The following PARP8 variants were observed in gnomAD, a reference collection of about 807,000 sequenced individuals.
The protein encoded by PARP8 is poly(ADP-ribose) polymerase family member 8.
Under a neutral mutation model 124.1 loss-of-function variants are expected in PARP8, and 51 were observed. That is an observed-to-expected ratio of 0.41 (90% CI 0.33 to 0.52). The LOEUF (loss-of-function observed/expected upper bound fraction) is 0.52. PARP8 is among the 20% of genes least tolerant of loss of function. The pLI, the probability that PARP8 is intolerant of heterozygous loss-of-function variation, is 0.21. For missense variants in PARP8, 860 were observed against 1,018.9 expected (o/e 0.84, Z 2.12); for synonymous variants, 391 against 361.5 (o/e 1.08, Z -0.93).
At chr5:50,784,063 G>A (rs561043471) in intron 9 of PARP8, among the ~76,000 whole-genome samples, 11 of 152,286 alleles carry the variant, frequency 7.2e-5, no homozygotes, top group African/African-American at 2.4e-4. Flanking sequence ...TTTAAAAAGA[G>A]TGTTTGCAAT....
rs1404895801 is a variant in PARP8 at position 50,667,022 on chromosome 5, C to T, written c.-74C>T. The T allele has an allele frequency of 2.6e-6, 4 of 1,544,576 alleles. No homozygotes were observed. In the Admixed American group the frequency reaches 5.2e-5, roughly 20 times the overall value. On this transcript the variant is annotated 5_prime_UTR_variant, in exon 1 of 26. The change creates a new upstream start codon in the 5' untranslated region. Transcript: ENST00000281631. Reference sequence around the variant, plus strand: ...GGTTTCATTTTTAACTGAATATTTACGAAAGCTGGAAGCGTGCGAGGGGGG... The same window carrying T: ...GGTTTCATTTTTAACTGAATATTTATGAAAGCTGGAAGCGTGCGAGGGGGG...
intron 7 of PARP8, among the ~76,000 whole-genome samples, chr5:50,765,569 T>C (rs903863336): frequency 6.6e-6 from 1 of 152,216 alleles, no homozygotes; most frequent in Non-Finnish European, 1.5e-5. Context: ...TGTTTTGAAT[T>C]TTTTCCCCTT....
At chr5:50,766,177 A>G (rs1383991877) in intron 7 of PARP8, among the ~76,000 whole-genome samples, 1 of 152,188 alleles carries the variant, frequency 6.6e-6, no homozygotes, top group East Asian at 1.9e-4. Context: ...GGTAATGACA[A>G]TTCTACCTCA....
In PARP8 at chr5:50,829,925, C is replaced by T. The variant is rs1281381538; in HGVS notation, c.2197C>T (p.Leu733Phe). ...TGCAATGTATGGAAGTGGAATCTAT[C>T]TTAGTCCAATGTCAAGCATATCATT... ...HGAMYGSGIY[L>F]SPMSSISFGY... Residue 733 changes from leucine (L) to phenylalanine (F), a missense_variant, in exon 22 of 26, where the codon CTT becomes TTT. By Grantham distance (22) the Leu-to-Phe change is conservative. Around this residue, in one of 2 missense-constraint regions of PARP8, gnomAD observed 343 missense variants for 474.7 expected, o/e 0.72. Coordinates refer to ENST00000281631, the MANE Select transcript of PARP8 (RefSeq NM_024615.4). The T allele has an allele frequency of 6.2e-7, 1 of 1,610,150 alleles. No individual in the cohort carries two copies. The highest frequency in any genetic ancestry group is 8.5e-7 in the Non-Finnish European group (1 of 1,177,914).
At chr5:50,798,830 T>A (rs1308535409) in intron 14 of PARP8, among the ~76,000 whole-genome samples, 2 of 152,244 alleles carry the variant, frequency 1.3e-5, no homozygotes, top group African/African-American at 4.8e-5. Flanking sequence ...CTAAAAAATT[T>A]TGAGCATCTT....
At position 50,788,592 on chromosome 5, in the gene PARP8, A is replaced by G. The variant is rs767576502; in HGVS notation, c.737+3A>G. 2 of 1,608,270 alleles carry G rather than the reference A, an allele frequency of 1.2e-6. No individual in the cohort carries two copies. The highest frequency in any genetic ancestry group is 1.3e-5 in the African/African-American group (1 of 74,772). ...GGATTGGGACATCAGCTGAAAAAGT[A>G]AGTTTGCTAAAGTGCAAAAAATAAA... On this transcript the variant is annotated splice_donor_region_variant and intron_variant, in intron 10 of 25. Coordinates refer to ENST00000281631, the MANE Select transcript of PARP8 (RefSeq NM_024615.4).
rs779320052 is a variant in PARP8 at position 50,761,914 on chromosome 5, C to T, written c.423+16C>T. 7.3e-6 allele frequency: 11 copies of T among 1,512,180 alleles called. No homozygotes were observed. Among genetic ancestry groups the T allele is most frequent in the Non-Finnish European group, 1.0e-5 (11 of 1,095,278 alleles). The allele number at this position is 1,512,180 out of a possible 1,614,324, so 93.7% of individuals were successfully genotyped here. On this transcript the variant is annotated intron_variant, in intron 6 of 25. Transcript: ENST00000281631. ...CGGAGGGCAGGTAAGGAAACCTGGT[C>T]TTCCAAATACCTAGTCTTAAAGTTC...
At chr5:50,835,495 G>A (rs2149724524) in intron 25 of PARP8, among the ~76,000 whole-genome samples, 1 of 152,056 alleles carries the variant, frequency 6.6e-6, no homozygotes, top group South Asian at 2.1e-4. Flanking sequence ...AGCCAAGATA[G>A]CACCACTTAC....
intron 9 of PARP8, among the ~76,000 whole-genome samples, chr5:50,782,566 TAA>T (rs1194433751): frequency 1.3e-5 from 2 of 152,122 alleles, no homozygotes; most frequent in East Asian, 3.9e-4. Context: ...TGCTAGCAAA[TAA>T]AAAAGAAAAT....
At chr5:50,678,039 A>G (rs1750839012) in intron 2 of PARP8, among the ~76,000 whole-genome samples, 1 of 152,178 alleles carries the variant, frequency 6.6e-6, no homozygotes, top group African/African-American at 2.4e-5. Context: ...TAAAATTGAT[A>G]ACTTATGGTT....
intron 25 of PARP8, among the ~76,000 whole-genome samples, chr5:50,839,222 C>A (rs1747906836): frequency 6.6e-6 from 1 of 151,822 alleles, no homozygotes; most frequent in Admixed American, 6.6e-5. Context: ...TTTTAGTAAT[C>A]TTTTTACACT....
rs371929519 is a variant in PARP8, at chr5:50,768,877, G to A, written c.518+5635G>A. 3.9e-5 allele frequency among the ~76,000 whole-genome samples: 6 copies of A among 152,042 alleles called. No individual in the cohort carries two copies. The South Asian group carries it at 6.2e-4, about 16-fold the overall frequency. On this transcript the variant is annotated intron_variant, in intron 7 of 25. Coordinates refer to ENST00000281631, the MANE Select transcript of PARP8 (RefSeq NM_024615.4). The stretch of plus-strand genomic sequence containing the variant: ...CATTATATAAAAAGGGCATCACAAC[G>A]GAAATGGGTTTGCATATACACAGCG...
intron 12 of PARP8, among the ~76,000 whole-genome samples, chr5:50,795,989 A>T (rs555936585): frequency 6.6e-6 from 1 of 152,198 alleles, no homozygotes. Context: ...TTTGGGGGAC[A>T]TGGGACCAGA....
chr5:50,791,440 G>T (rs1159411352), intron 10 of PARP8, among the ~76,000 whole-genome samples: 1 of 152,066 alleles, frequency 6.6e-6, no homozygotes, highest in Non-Finnish European at 1.5e-5. Flanking sequence ...TACTTACAAC[G>T]CATAAACTAA....
At chr5:50,697,574 A>G (rs1307168039) in intron 2 of PARP8, among the ~76,000 whole-genome samples, 1 of 152,240 alleles carries the variant, frequency 6.6e-6, no homozygotes, top group Non-Finnish European at 1.5e-5. Flanking sequence ...CAGTGGCACG[A>G]TCATGGCTCA....
chr5:50,765,167 C>T (rs758905860), intron 7 of PARP8, among the ~76,000 whole-genome samples: 4 of 151,586 alleles, frequency 2.6e-5, no homozygotes, highest in Non-Finnish European at 5.9e-5. Flanking sequence ...AAGGCTGAGG[C>T]AGAAGAATCG....
intron 14 of PARP8, among the ~76,000 whole-genome samples, chr5:50,812,000 T>C (rs1253343070): frequency 1.3e-5 from 2 of 152,212 alleles, no homozygotes; most frequent in Non-Finnish European, 2.9e-5. Context: ...GATGGACATT[T>C]GGGTTGGTTC....
intron 2 of PARP8, among the ~76,000 whole-genome samples, chr5:50,672,793 T>G (rs1219294920): frequency 6.6e-6 from 1 of 152,146 alleles, no homozygotes; most frequent in Non-Finnish European, 1.5e-5. Context: ...TCTACTTGAT[T>G]GCTAAAGGGC....
intron 2 of PARP8, among the ~76,000 whole-genome samples, chr5:50,696,981 A>T (rs1384166227): frequency 1.3e-5 from 2 of 152,148 alleles, no homozygotes; most frequent in African/African-American, 4.8e-5. Flanking sequence ...AAGAAGAATG[A>T]GTCTGTGCCG....
Sources: allele counts gnomAD v4.1 joint callset (sites outside exome capture counted in the v4.1 genomes callset), GRCh38; gene constraint gnomAD v4.1.1; regional missense constraint gnomAD v4.1.1; transcripts MANE v1.5; gene names NCBI Gene and HGNC (gene_info 2026-07-23, HGNC 2026-07-21).